Variants in PELI2 observed in about 807,000 individuals in gnomAD.
The protein encoded by PELI2 is E3 ubiquitin-protein ligase pellino homolog 2.
Under a neutral mutation model 42.3 loss-of-function variants are expected in PELI2, and 23 were observed. The ratio of observed to expected loss-of-function variants is 0.54; its 90% CI spans 0.39 to 0.77. PELI2 has a LOEUF of 0.77. Among genes scored for constraint, PELI2 ranks in the 30% least tolerant of loss-of-function variants. The pLI, the probability that PELI2 is intolerant of heterozygous loss-of-function variation, is 0.00. For synonymous variants in PELI2, 245 were observed against 212.2 expected (o/e 1.15, Z -1.34); for missense variants, 463 against 553.2 (o/e 0.84, Z 1.64).
chr14:56,288,705 A>C lies in PELI2; in HGVS notation c.507+71A>C, dbSNP rs1319927759. ...ATTATGATATGGAACATTTAATTGG[A>C]GCAAAAAAAAATTGGCTTTGTATGT... On this transcript the variant is annotated intron_variant, in intron 4 of 5. Transcript: ENST00000267460. The surrounding 1 kb of genome is among the most constrained non-coding windows in gnomAD (Gnocchi z 4.6). 8.8e-7 allele frequency: 1 copy of C among 1,131,412 alleles called. No individual in the cohort carries two copies. Among genetic ancestry groups the C allele is most frequent in the African/African-American group, 3.3e-5 (1 of 30,298 alleles). The allele number at this position is 1,131,412 out of a possible 1,614,324, so 70.1% of individuals were successfully genotyped here. A position where few individuals can be genotyped will look rare whatever the true frequency, so the allele number is the denominator to read the frequency against.
At chr14:56,239,502 G>A (rs147910465) in intron 2 of PELI2, among the ~76,000 whole-genome samples, 39 of 152,272 alleles carry the variant, frequency 2.6e-4, no homozygotes, top group South Asian at 1.7e-3. Context: ...TGCTCTTCTA[G>A]ACCTTTATTT....
At chr14:56,223,217 C>G (rs914722823) in intron 2 of PELI2, among the ~76,000 whole-genome samples, 1 of 152,172 alleles carries the variant, frequency 6.6e-6, no homozygotes, top group Non-Finnish European at 1.5e-5. Context: ...GGGAGTCTTT[C>G]TTTCCTTAAC....
At chr14:56,151,394 A>T (rs1047588164) in intron 1 of PELI2, among the ~76,000 whole-genome samples, 9 of 152,210 alleles carry the variant, frequency 5.9e-5, no homozygotes, top group African/African-American at 1.2e-4. Context: ...TTCAACTGTG[A>T]TGCTTCCTTG....
intron 1 of PELI2, among the ~76,000 whole-genome samples, chr14:56,130,992 T>A (rs1185762643): frequency 2.0e-5 from 3 of 152,228 alleles, no homozygotes; most frequent in Non-Finnish European, 4.4e-5. Context: ...GTACTTTTCC[T>A]CTCTAATAAA....
intron 2 of PELI2, among the ~76,000 whole-genome samples, chr14:56,203,405 T>C (rs750983219): frequency 2.6e-4 from 39 of 152,166 alleles, no homozygotes; most frequent in African/African-American, 8.9e-4. Context: ...AAAAAAGGTA[T>C]GTTTTTTGCA....
At chr14:56,183,344 T>A (rs1885655935) in intron 2 of PELI2, among the ~76,000 whole-genome samples, 1 of 152,148 alleles carries the variant, frequency 6.6e-6, no homozygotes, top group Non-Finnish European at 1.5e-5. Context: ...AATTTGATTA[T>A]TTCAACAAAA....
At chr14:56,272,657 G>A (rs1389402492) in intron 2 of PELI2, among the ~76,000 whole-genome samples, 3 of 152,178 alleles carry the variant, frequency 2.0e-5, no homozygotes, top group Admixed American at 6.5e-5. Flanking sequence ...GATACTTTTT[G>A]TAGTCTATAA....
At chr14:56,175,225 G>A (rs529959778) in intron 1 of PELI2, among the ~76,000 whole-genome samples, 1 of 152,096 alleles carries the variant, frequency 6.6e-6, no homozygotes, top group East Asian at 1.9e-4. Flanking sequence ...CGAACTCCTG[G>A]GCTCAAGCTG....
At chr14:56,283,841 A>G (rs2139882963) in intron 3 of PELI2, among the ~76,000 whole-genome samples, 1 of 152,346 alleles carries the variant, frequency 6.6e-6, no homozygotes, top group Non-Finnish European at 1.5e-5. Flanking sequence ...TGTTAGAAGG[A>G]TCTGTGGCAG....
chr14:56,275,908 T>C (rs990030560), intron 2 of PELI2, among the ~76,000 whole-genome samples: 4 of 152,278 alleles, frequency 2.6e-5, no homozygotes, highest in South Asian at 2.1e-4. Flanking sequence ...AACTAAGTTA[T>C]AGTGAATGCC....
At chr14:56,132,961 G>T (rs1392097842) in intron 1 of PELI2, among the ~76,000 whole-genome samples, 1 of 151,870 alleles carries the variant, frequency 6.6e-6, no homozygotes, top group South Asian at 2.1e-4. Context: ...CTTAAGGCAG[G>T]CCATTTATAT....
chr14:56,161,989 A>T (rs1192681961), intron 1 of PELI2, among the ~76,000 whole-genome samples: 1 of 152,130 alleles, frequency 6.6e-6, no homozygotes, highest in Non-Finnish European at 1.5e-5. Flanking sequence ...TTTTAAAAAA[A>T]TTTTGGTGGG....
chr14:56,264,004 A>G (rs967348714), intron 2 of PELI2, among the ~76,000 whole-genome samples: 16 of 152,192 alleles, frequency 1.1e-4, no homozygotes, highest in African/African-American at 3.9e-4. Flanking sequence ...CAGATTCCAT[A>G]TTTACACATT....
rs185059554 is a variant in PELI2 at position 56,153,829 on chromosome 14, T to C, written c.78-24506T>C. Among the ~76,000 whole-genome samples the C allele has an allele frequency of 5.9e-5, 9 of 152,216 alleles. No individual in the cohort carries two copies. In the East Asian group the frequency reaches 1.7e-3, roughly 29 times the overall value. On this transcript the variant is annotated intron_variant, in intron 1 of 5. Coordinates refer to ENST00000267460, the MANE Select transcript of PELI2 (RefSeq NM_021255.3). Reference sequence around the variant, plus strand: ...GTGCTAGAGATAATGTGTGGATTAGTGGTGTTTGTGAATGTAGGTATTTAA... The same window carrying C: ...GTGCTAGAGATAATGTGTGGATTAGCGGTGTTTGTGAATGTAGGTATTTAA...
At chr14:56,216,634 A>C (rs1330385135) in intron 2 of PELI2, among the ~76,000 whole-genome samples, 2 of 152,252 alleles carry the variant, frequency 1.3e-5, no homozygotes, top group Admixed American at 1.3e-4. Flanking sequence ...GAACATTGCT[A>C]TGTGGTTATA....
chr14:56,198,073 T>G (rs1886204134), intron 2 of PELI2, among the ~76,000 whole-genome samples: 1 of 150,656 alleles, frequency 6.6e-6, no homozygotes, highest in Admixed American at 6.6e-5. Flanking sequence ...ATGGTGGGAG[T>G]AGAAGTACAG....
At chr14:56,139,831 G>T (rs966746321) in intron 1 of PELI2, among the ~76,000 whole-genome samples, 2 of 151,646 alleles carry the variant, frequency 1.3e-5, no homozygotes, top group African/African-American at 4.9e-5. Context: ...AGTCTTTATA[G>T]CTGGTAAAAT....
chr14:56,229,278 C>T (rs761857572), intron 2 of PELI2, among the ~76,000 whole-genome samples: 8 of 152,238 alleles, frequency 5.3e-5, no homozygotes, highest in East Asian at 1.9e-4. Context: ...GATCTGAGAA[C>T]GGACAGACTG....
At chr14:56,156,769 A>G (rs976298052) in intron 1 of PELI2, among the ~76,000 whole-genome samples, 8 of 152,226 alleles carry the variant, frequency 5.3e-5, no homozygotes, top group East Asian at 1.9e-4. Context: ...AAATGGCTGC[A>G]TATGGCTAGT....
Sources: gnomAD v4.1 joint callset for allele counts (sites outside exome capture counted in the v4.1 genomes callset) on GRCh38, gnomAD v4.1.1 for gene constraint, Gnocchi (gnomAD v3.1) non-coding constraint, MANE v1.5 for transcripts, NCBI Gene and HGNC (gene_info 2026-07-23, HGNC 2026-07-21) for gene names.